Variants in EIF3A observed in about 807,000 individuals in gnomAD.
EIF3A encodes eukaryotic translation initiation factor 3 subunit A, also known as EIF3, p180 subunit.
A neutral mutation model predicts 186.6 loss-of-function variants in EIF3A; 21 were observed. That is an observed-to-expected ratio of 0.11 (90% CI 0.08 to 0.16). The LOEUF is 0.16. Among genes scored for constraint, EIF3A ranks in the 10% least tolerant of loss-of-function variants. The pLI is 1.00. For missense variants in EIF3A, 1,306 were observed against 1,796.3 expected, an observed-to-expected ratio of 0.73 and a Z score of 4.93; for synonymous variants, 563 against 584.3, an observed-to-expected ratio of 0.96 and a Z score of 0.52.
Position 119,073,432 on chromosome 10 carries a change from C to A in EIF3A, c.377+9G>T, listed in dbSNP as rs1844110297. ...ATCAAAGCATTTATTAGAGGTCTAA[C>A]CCACATACCTCTCAGGAGTTTGAAT... On this transcript the variant is annotated intron_variant, in intron 3 of 21. Coordinates refer to ENST00000369144, the MANE Select transcript of EIF3A (RefSeq NM_003750.4). The A allele has an allele frequency of 6.3e-7, 1 of 1,583,046 alleles. No individual in the cohort carries two copies.
chr10:119,067,334 A>C (rs533230816), intron 6 of EIF3A, among the ~76,000 whole-genome samples: 1 of 152,278 alleles, frequency 6.6e-6, no homozygotes, highest in South Asian at 2.1e-4. Flanking sequence ...ATGCCTATAA[A>C]TCCCAACACA....
intron 6 of EIF3A, 97 bp downstream of exon 6, chr10:119,069,349 G>A (rs1844034903): frequency 1.5e-6 from 1 of 689,424 alleles, no homozygotes; most frequent in Admixed American, 2.2e-5. Context: ...TGTCAGTAGT[G>A]CAGAGGCTGA....
intron 20 of EIF3A, among the ~76,000 whole-genome samples, chr10:119,037,765 C>T (rs1329159885): frequency 6.6e-6 from 1 of 152,088 alleles, no homozygotes; most frequent in African/African-American, 2.4e-5. Context: ...AATTTAAGGG[C>T]AAGAAAACTG....
At chr10:119,062,617 A>G (rs934709224) in intron 7 of EIF3A, among the ~76,000 whole-genome samples, 3 of 152,190 alleles carry the variant, frequency 2.0e-5, no homozygotes, top group African/African-American at 7.2e-5. Flanking sequence ...GCTACCCATC[A>G]GTGATCACCG....
At position 119,073,741 on chromosome 10, in the gene EIF3A, T is replaced by C. The variant is rs1840746099; in HGVS notation, c.240+6A>G. On this transcript the variant is annotated splice_donor_region_variant and intron_variant, in intron 2 of 21. Transcript: ENST00000369144. Reference sequence around the variant, plus strand: ...TTAAAAATATACAACCCAGTTCCGTTTGTACCTGTTGACAAATGTTCTTAT... The same window carrying C: ...TTAAAAATATACAACCCAGTTCCGTCTGTACCTGTTGACAAATGTTCTTAT... 4 of 1,591,096 alleles carry C rather than the reference T, an allele frequency of 2.5e-6. No homozygotes were observed. The highest frequency in any genetic ancestry group is 3.4e-6 in the Non-Finnish European group (4 of 1,169,190).
At position 119,059,394 on chromosome 10, in the gene EIF3A, G is replaced by A. The variant is rs758556287; in HGVS notation, c.1447C>T (p.Arg483Cys). 16 of 1,556,890 alleles carry A rather than the reference G, an allele frequency of 1.0e-5. No individual in the cohort carries two copies. Among genetic ancestry groups the A allele is most frequent in the South Asian group, 1.2e-5 (1 of 82,998 alleles). The part of the protein sequence containing the change: ...DAARHCDLQV[R>C]IDHTSRTLSF... ...AGGGTCCGAGAAGTGTGATCAATAC[G>A]AACCTTTGAAAATTAAATTATCAAT... Residue 483 changes from arginine (R) to cysteine (C), a missense_variant, in exon 11 of 22, where the codon CGT becomes TGT. By Grantham distance (180) the Arg-to-Cys change is radical. This residue lies in a region of EIF3A where 267 missense variants were observed against 367.8 expected (regional missense o/e 0.73). Coordinates refer to ENST00000369144, the MANE Select transcript of EIF3A (RefSeq NM_003750.4).
At chr10:119,078,713 C>A (rs1038448912) in intron 1 of EIF3A, among the ~76,000 whole-genome samples, 1 of 152,160 alleles carries the variant, frequency 6.6e-6, no homozygotes, top group African/African-American at 2.4e-5. Context: ...GTTTCCCCCC[C>A]AGTGTCCCTC....
At chr10:119,078,842 A>G (rs763527671) in intron 1 of EIF3A, among the ~76,000 whole-genome samples, 3 of 152,180 alleles carry the variant, frequency 2.0e-5, no homozygotes, top group Non-Finnish European at 4.4e-5. Context: ...TTCTATATGA[A>G]GTTCTTATGA....
chr10:119,042,021 C>T lies in EIF3A; in HGVS notation c.3499G>A (p.Gly1167Ser). 6.2e-7 allele frequency: 1 copy of T among 1,614,162 alleles called. No individual in the cohort carries two copies. Among genetic ancestry groups the T allele is most frequent in the Middle Eastern group, 1.6e-4 (1 of 6,062 alleles). Residue 1167 changes from glycine (G) to serine (S), a missense_variant, in exon 19 of 22, where the codon GGT (glycine) becomes AGT (serine). Physicochemically the swap from Gly to Ser is moderately conservative, Grantham distance 56 (BLOSUM62 0). This residue lies in a region of EIF3A where 331 missense variants were observed against 365.8 expected (regional missense o/e 0.90). Coordinates refer to ENST00000369144, the MANE Select transcript of EIF3A (RefSeq NM_003750.4). The surrounding 1 kb of genome is among the most constrained non-coding windows in gnomAD (Gnocchi z 7.8). ...FPRRGDDSRP[G>S]PWRPLVKPGG... ...GGCTTGACTAATGGTCTCCAAGGAC[C>T]AGGTCTTGAGTCATCACCCCGTCTG...
In EIF3A at chr10:119,056,852, A is replaced by G. The variant is rs1394470170; in HGVS notation, c.2084T>C (p.Ile695Thr). The change falls in exon 14 of 22, where the codon ATT becomes ACT. Residue 695 changes from isoleucine to threonine, a missense_variant and splice_region_variant. By Grantham distance (89) the Ile-to-Thr change is moderately conservative. Around this residue, in one of 8 missense-constraint regions of EIF3A, gnomAD observed 94 missense variants for 204.9 expected, o/e 0.46. Transcript: ENST00000369144. ...QERLKNQEKK[I>T]DYFERAKRLE... ...ACGTTTGGCTCTTTCAAAATAGTCA[A>G]TCTGAATGACACGAAAACACACGTA... 1 of 1,609,622 alleles carries G rather than the reference A, an allele frequency of 6.2e-7. No homozygotes were observed. The highest frequency in any genetic ancestry group is 8.5e-7 in the Non-Finnish European group (1 of 1,176,204).
At position 119,049,860 on chromosome 10, in the gene EIF3A, C is replaced by G. The variant is rs1212471310; in HGVS notation, c.2599G>C (p.Glu867Gln). The change falls in exon 17 of 22, where the codon GAA becomes CAA. Residue 867 changes from glutamate (E) to glutamine (Q), a missense_variant. Coordinates refer to ENST00000369144, the MANE Select transcript of EIF3A (RefSeq NM_003750.4). Reference protein sequence around the residue: ...KKRQRELEIEERERRREEERR... With the variant: ...KKRQRELEIEQRERRREEERR... ...TCTTCCTCTCTACGCCGTTCTCGTT[C>G]TTCAATTTCCAACTCCCTTTGGCGT... 3.1e-6 allele frequency: 5 copies of G among 1,614,174 alleles called. No individual in the cohort carries two copies. Among genetic ancestry groups the G allele is most frequent in the Non-Finnish European group, 4.2e-6 (5 of 1,180,026 alleles).
At position 119,050,626 on chromosome 10, in the gene EIF3A, G is replaced by T; in HGVS notation, c.2368C>A (p.Arg790=). The T allele has an allele frequency of 7.4e-6, 12 of 1,613,828 alleles. No homozygotes were observed. The highest frequency in any genetic ancestry group is 1.1e-5 in the South Asian group (1 of 91,076). Residue 790 remains arginine, a synonymous_variant, in exon 16 of 22, where the codon CGA becomes AGA. Coordinates refer to ENST00000369144, the MANE Select transcript of EIF3A (RefSeq NM_003750.4). ...EERLAEERHN[R]LEERKRQRKE... ...CGCTGCCTTTTCCGTTCTTCCAATC[G>T]ATTATGCCTTTCTTCTGCTAATCGC... is the stretch of plus-strand genomic sequence containing the variant.
intron 19 of EIF3A, among the ~76,000 whole-genome samples, chr10:119,039,016 G>C (rs1848172712): frequency 1.3e-5 from 2 of 152,140 alleles, no homozygotes; most frequent in African/African-American, 2.4e-5. Flanking sequence ...GAAAATTTTA[G>C]AATTTTTCCT....
intron 14 of EIF3A, among the ~76,000 whole-genome samples, 175 bp downstream of exon 14, chr10:119,056,565 T>C (rs1245669552): frequency 6.6e-6 from 1 of 152,240 alleles, no homozygotes; most frequent in Non-Finnish European, 1.5e-5. Flanking sequence ...CAAGTTTCGT[T>C]TGTAATCTCT....
chr10:119,056,902 G>T, intron 13 of EIF3A, 34 bp downstream of exon 13: 5 of 1,585,096 alleles, frequency 3.2e-6, no homozygotes, highest in Non-Finnish European at 3.5e-6. Flanking sequence ...CTCTTAACTT[G>T]GTATGTTAAA....
chr10:119,053,437 C>T (rs1165846044), intron 14 of EIF3A, among the ~76,000 whole-genome samples: 1 of 151,664 alleles, frequency 6.6e-6, no homozygotes, highest in African/African-American at 2.4e-5. Flanking sequence ...ATTGGCTGGG[C>T]ACCATGGCTC....
chr10:119,052,499 C>CAA (rs1370169020), intron 14 of EIF3A, among the ~76,000 whole-genome samples: 1 of 151,850 alleles, frequency 6.6e-6, no homozygotes, highest in East Asian at 1.9e-4. Context: ...GTCAGCCTCC[C>CAA]AAGTAGCTGG....
intron 6 of EIF3A, among the ~76,000 whole-genome samples, chr10:119,068,970 G>A (rs1401559261): frequency 2.1e-4 from 3 of 14,408 alleles, no homozygotes; most frequent in African/African-American, 2.1e-4. Flanking sequence ...ACTCTGTCTT[G>A]CAAAAAAAAA....
intron 1 of EIF3A, among the ~76,000 whole-genome samples, chr10:119,074,895 G>A (rs1417966139): frequency 3.0e-5 from 2 of 65,808 alleles, no homozygotes; most frequent in Non-Finnish European, 3.0e-5. Context: ...TCCGGCCCGG[G>A]CAACAAGAAC....
Sources: gnomAD v4.1 joint callset for allele counts (sites outside exome capture counted in the v4.1 genomes callset) on GRCh38, gnomAD v4.1.1 for gene constraint, gnomAD v4.1.1 regional missense constraint, Gnocchi (gnomAD v3.1) non-coding constraint, MANE v1.5 for transcripts, NCBI Gene and HGNC (gene_info 2026-07-23, HGNC 2026-07-21) for gene names.